DCLK3: variants seen among roughly 807,000 people sequenced by gnomAD.
DCLK3 encodes doublecortin like kinase 3.
DCLK3 carries 30 observed loss-of-function variants against 46.4 expected under a neutral mutation model. The ratio of observed to expected loss-of-function variants is 0.65; its 90% confidence interval spans 0.48 to 0.88. The LOEUF (loss-of-function observed/expected upper bound fraction) is 0.88. DCLK3 is among the 40% of genes least tolerant of loss of function. The pLI, the probability that DCLK3 is intolerant of heterozygous loss-of-function variation, is 0.00. For synonymous variants in DCLK3, 401 were observed against 339.2 expected (o/e 1.18, Z -2.00); for missense variants, 846 against 907.1 (o/e 0.93, Z 0.87).
In DCLK3 at chr3:36,764,092, A is replaced by T. The variant is rs534584139; in HGVS notation, c.82+90T>A. The T allele has an allele frequency of 3.9e-6, 1 of 259,036 alleles. No homozygotes were observed. The highest frequency in any genetic ancestry group is 7.4e-6 in the Non-Finnish European group (1 of 135,974). 16.0% of individuals were successfully genotyped at this position (259,036 alleles called of 1,614,324 possible). The stretch of plus-strand genomic sequence containing the variant: ...GGCACTGCTGCTACATCCCGCACGG[A>T]GCGGGGTCCAGAGTTAGGGCGAATG... On this transcript the variant is annotated intron_variant, in intron 1 of 4. Coordinates refer to ENST00000636136, the MANE Select transcript of DCLK3 (RefSeq NM_001394672.2). This position sits in a 1 kb window ranked among gnomAD's most constrained non-coding sequence, Gnocchi z 4.9.
chr3:36,727,043 GAGGCTTAGGC>G (rs1701132388), intron 2 of DCLK3, among the ~76,000 whole-genome samples: 1 of 152,102 alleles, frequency 6.6e-6, no homozygotes, highest in African/African-American at 2.4e-5. Context: ...AGTACTTTGG[GAGGCTTAGGC>G]ATGTGGATCA....
chr3:36,752,843 C>A (rs1339069817), intron 1 of DCLK3, among the ~76,000 whole-genome samples: 1 of 152,208 alleles, frequency 6.6e-6, no homozygotes, highest in African/African-American at 2.4e-5. Flanking sequence ...AACCACTAGA[C>A]ACATACGGCT....
At chr3:36,755,868 C>T (rs1701480676) in intron 1 of DCLK3, among the ~76,000 whole-genome samples, 1 of 152,228 alleles carries the variant, frequency 6.6e-6, no homozygotes, top group South Asian at 2.1e-4. Flanking sequence ...CTTTCTCCAT[C>T]TCTGATCCTC....
intron 1 of DCLK3, among the ~76,000 whole-genome samples, chr3:36,751,527 C>T (rs1701441886): frequency 6.6e-6 from 1 of 152,238 alleles, no homozygotes; most frequent in Non-Finnish European, 1.5e-5. Context: ...CAGAAACTGA[C>T]ACAGTTCCCT....
intron 2 of DCLK3, among the ~76,000 whole-genome samples, chr3:36,726,427 A>G (rs1438469020): frequency 1.3e-5 from 2 of 152,020 alleles, no homozygotes; most frequent in Non-Finnish European, 2.9e-5. Context: ...GAAATTATCA[A>G]CTTGTCTGCA....
chr3:36,734,833 A>G (rs1450135939), intron 2 of DCLK3, among the ~76,000 whole-genome samples: 1 of 152,172 alleles, frequency 6.6e-6, no homozygotes, highest in Non-Finnish European at 1.5e-5. Context: ...GCTTGTCCAT[A>G]TTAAACATAT....
At chr3:36,761,891 T>C (rs747292972) in intron 1 of DCLK3, among the ~76,000 whole-genome samples, 21 of 152,140 alleles carry the variant, frequency 1.4e-4, no homozygotes, top group Non-Finnish European at 2.5e-4. Context: ...TTGTTGGCTT[T>C]AGAAAGAAAC....
intron 2 of DCLK3, among the ~76,000 whole-genome samples, chr3:36,727,248 C>T (rs1701135135): frequency 6.6e-6 from 1 of 152,160 alleles, no homozygotes; most frequent in South Asian, 2.1e-4. Context: ...GAGGTCGAGC[C>T]ACTGCACTCC....
chr3:36,725,682 T>C (rs1161048404), intron 2 of DCLK3, among the ~76,000 whole-genome samples: 1 of 152,160 alleles, frequency 6.6e-6, no homozygotes, highest in African/African-American at 2.4e-5. Context: ...CAAGTTTCAT[T>C]CAATGTCTGT....
intron 1 of DCLK3, among the ~76,000 whole-genome samples, chr3:36,745,369 T>C (rs1460588819): frequency 6.6e-6 from 1 of 152,196 alleles, no homozygotes; most frequent in African/African-American, 2.4e-5. Context: ...AGAAAAATAA[T>C]GACAGATAAT....
At chr3:36,748,423 T>A (rs1462167189) in intron 1 of DCLK3, among the ~76,000 whole-genome samples, 1 of 151,536 alleles carries the variant, frequency 6.6e-6, no homozygotes, top group Non-Finnish European at 1.5e-5. Context: ...CACAGCAGAG[T>A]GAGAGGAGGA....
chr3:36,750,407 C>A (rs1300866797), intron 1 of DCLK3, among the ~76,000 whole-genome samples: 1 of 152,150 alleles, frequency 6.6e-6, no homozygotes, highest in African/African-American at 2.4e-5. Context: ...CAATTTATTT[C>A]TCAAGAAGAA....
At chr3:36,752,217 G>A (rs533967076) in intron 1 of DCLK3, among the ~76,000 whole-genome samples, 61 of 152,294 alleles carry the variant, frequency 4.0e-4, no homozygotes, top group African/African-American at 1.4e-3. Flanking sequence ...TGTGGGGAGG[G>A]GTACCAAAGA....
At position 36,715,181 on chromosome 3, in the gene DCLK3, T is replaced by G. The variant is rs1304504963; in HGVS notation, c.*147A>C. 1.0e-5 allele frequency: 9 copies of G among 860,600 alleles called. No homozygotes were observed. The African/African-American group carries it at 1.1e-4, about 10-fold the overall frequency. 53.3% of individuals were successfully genotyped at this position (860,600 alleles called of 1,614,324 possible). On this transcript the variant is annotated 3_prime_UTR_variant, in exon 5 of 5. Coordinates refer to ENST00000636136, the MANE Select transcript of DCLK3 (RefSeq NM_001394672.2). Reference sequence around the variant, plus strand: ...ACATTTAACATTGACTTAATTTTTTTAATATGCTTTAAAATATACTCAGTG... The same window carrying G: ...ACATTTAACATTGACTTAATTTTTTGAATATGCTTTAAAATATACTCAGTG...
intron 1 of DCLK3, among the ~76,000 whole-genome samples, chr3:36,751,079 A>AAAAAAAAAAAAAAAAAAAAT (rs1701437549): frequency 6.6e-6 from 1 of 151,334 alleles, no homozygotes; most frequent in Non-Finnish European, 1.5e-5. Flanking sequence ...AAAAAAAAAA[A>AAAAAAAAAAAAAAAAAAAAT]AAAAAAACTC....
At chr3:36,744,082 G>A (rs993432929) in intron 1 of DCLK3, among the ~76,000 whole-genome samples, 9 of 152,312 alleles carry the variant, frequency 5.9e-5, no homozygotes, top group African/African-American at 2.2e-4. Context: ...CTTAGTAGGT[G>A]TAAACATTCT....
In DCLK3 at chr3:36,764,170, C is replaced by T. The variant is rs1701564598; in HGVS notation, c.82+12G>A. 3.0e-6 allele frequency: 1 copy of T among 328,582 alleles called. No individual in the cohort carries two copies. The allele number at this position is 328,582 out of a possible 1,614,324, so 20.4% of individuals were successfully genotyped here. A position where few individuals can be genotyped will look rare whatever the true frequency, so the allele number is the denominator to read the frequency against. On this transcript the variant is annotated intron_variant, in intron 1 of 4. Coordinates refer to ENST00000636136, the MANE Select transcript of DCLK3 (RefSeq NM_001394672.2). This position sits in a 1 kb window ranked among gnomAD's most constrained non-coding sequence, Gnocchi z 4.9. ...CCCAGAACGGGTCGGTGCCGGAGCGCACGGTACTCACCCGGGGCAGGCCGC... is the reference window on the plus strand; with the variant it reads ...CCCAGAACGGGTCGGTGCCGGAGCGTACGGTACTCACCCGGGGCAGGCCGC...
rs1258761010 is a variant in DCLK3 at position 36,738,776 on chromosome 3, C to T, written c.391G>A (p.Glu131Lys). The T allele has an allele frequency of 8.0e-7, 1 of 1,244,532 alleles. No homozygotes were observed. The highest frequency in any genetic ancestry group is 1.0e-6 in the Non-Finnish European group (1 of 971,474). 77.1% of individuals were successfully genotyped at this position (1,244,532 alleles called of 1,614,324 possible). A position where few individuals can be genotyped will look rare whatever the true frequency, so the allele number is the denominator to read the frequency against. ...TFEQLLADIS[E>K]ALGSPRWKND... The stretch of plus-strand genomic sequence containing the variant: ...TTCCATCTGGGAGAGCCCAAGGCTT[C>T]TGAGATGTCAGCTAAGAGCTGCTCG... Residue 131 changes from glutamate to lysine, a missense_variant, in exon 2 of 5, where the codon GAA becomes AAA. Physicochemically the swap from Glu to Lys is moderately conservative, Grantham distance 56. Around this residue, in one of 3 missense-constraint regions of DCLK3, gnomAD observed 553 missense variants for 543.0 expected, o/e 1.02. Coordinates refer to ENST00000636136, the MANE Select transcript of DCLK3 (RefSeq NM_001394672.2).
rs116865058 is a variant in DCLK3, at chr3:36,737,220, C to T, written c.1947G>A (p.Pro649=). Residue 649 remains proline (P), a synonymous_variant, in exon 2 of 5, where the codon CCG becomes CCA. Transcript: ENST00000636136. The surrounding 1 kb of genome is among the most constrained non-coding windows in gnomAD (Gnocchi z 4.4). Reference sequence around the variant, plus strand: ...AGTCAAGGCTTACCAAAAGGTTTTCCGGCTTGAGGTCCCGGTGGACAATGC... The same window carrying T: ...AGTCAAGGCTTACCAAAAGGTTTTCTGGCTTGAGGTCCCGGTGGACAATGC... The part of the protein sequence containing the change: ...DKSIVHRDLK[P]ENLLVQRNED... 5.3e-4 allele frequency: 854 copies of T among 1,612,156 alleles called. 9 individuals are homozygous for T. In the East Asian group the frequency reaches 0.012, roughly 23 times the overall value.
Sources: allele counts gnomAD v4.1 joint callset (sites outside exome capture counted in the v4.1 genomes callset), GRCh38; gene constraint gnomAD v4.1.1; regional missense constraint gnomAD v4.1.1; non-coding constraint Gnocchi (gnomAD v3.1); transcripts MANE v1.5; gene names NCBI Gene and HGNC (gene_info 2026-07-23, HGNC 2026-07-21).